The following TLE4 variants were observed in gnomAD, a reference collection of about 807,000 sequenced individuals.
The protein encoded by TLE4 is transducin-like enhancer protein 4.
TLE4 carries 8 observed loss-of-function variants against 92.8 expected under a neutral mutation model. The ratio of observed to expected loss-of-function variants is 0.09; its 90% CI spans 0.05 to 0.16. The LOEUF (loss-of-function observed/expected upper bound fraction) is 0.16. TLE4 is among the 10% of genes least tolerant of loss of function. The pLI is 1.00. For synonymous variants in TLE4, 371 were observed against 374.1 expected, an observed-to-expected ratio of 0.99 and a Z score of 0.10; for missense variants, 675 against 997.6, an observed-to-expected ratio of 0.68 and a Z score of 4.36.
At chr9:79,667,346 G>T (rs991228296) in intron 8 of TLE4, among the ~76,000 whole-genome samples, 4 of 152,118 alleles carry the variant, frequency 2.6e-5, no homozygotes, top group African/African-American at 9.7e-5. Context: ...TCTCCTTCTC[G>T]CCAGGCTGCT....
At position 79,720,305 on chromosome 9, in the gene TLE4, G is replaced by A. The variant is rs1308790118; in HGVS notation, c.1838+12G>A. The A allele has an allele frequency of 1.2e-6, 2 of 1,604,064 alleles. No individual in the cohort carries two copies. Among genetic ancestry groups the A allele is most frequent in the South Asian group, 1.1e-5 (1 of 90,532 alleles). On this transcript the variant is annotated intron_variant, in intron 16 of 19. Coordinates refer to ENST00000376552, the MANE Select transcript of TLE4 (RefSeq NM_007005.6). ...CAGACCTTGGTGAGGTAGGTTAGCAGGATCTGTTACCAGGTTGTGAGGAGG... is the reference window on the plus strand; with the variant it reads ...CAGACCTTGGTGAGGTAGGTTAGCAAGATCTGTTACCAGGTTGTGAGGAGG...
intron 6 of TLE4, among the ~76,000 whole-genome samples, chr9:79,638,946 A>G (rs1476212337): frequency 2.0e-5 from 3 of 152,138 alleles, no homozygotes; most frequent in Non-Finnish European, 2.9e-5. Flanking sequence ...AGGCTAAAGC[A>G]TTCCAGGAGC....
chr9:79,648,365 T>C (rs1194248022), intron 6 of TLE4, among the ~76,000 whole-genome samples: 4 of 152,254 alleles, frequency 2.6e-5, no homozygotes, highest in Admixed American at 6.5e-5. Flanking sequence ...TGTAAAAAGA[T>C]GAATAACAAT....
intron 8 of TLE4, among the ~76,000 whole-genome samples, chr9:79,698,439 A>G (rs1470995563): frequency 6.6e-6 from 1 of 152,226 alleles, no homozygotes; most frequent in Non-Finnish European, 1.5e-5. Context: ...AAGGTGAAAC[A>G]TTTGTTAAGA....
At chr9:79,650,134 T>C (rs1257137353) in intron 6 of TLE4, among the ~76,000 whole-genome samples, 1 of 152,158 alleles carries the variant, frequency 6.6e-6, no homozygotes, top group Non-Finnish European at 1.5e-5. Flanking sequence ...CAGGCTGGTC[T>C]CAAACTCCTG....
At chr9:79,602,229 C>T (rs2045826070) in intron 4 of TLE4, among the ~76,000 whole-genome samples, 1 of 152,178 alleles carries the variant, frequency 6.6e-6, no homozygotes, top group Non-Finnish European at 1.5e-5. Context: ...GTGGAATCTG[C>T]AGCAAGTTAT....
chr9:79,605,627 G>A (rs534521490), intron 4 of TLE4, among the ~76,000 whole-genome samples: 47 of 152,064 alleles, frequency 3.1e-4, no homozygotes, highest in African/African-American at 1.1e-3. Context: ...TATAGCTTGA[G>A]CTCTGGGGAT....
intron 8 of TLE4, among the ~76,000 whole-genome samples, chr9:79,669,814 G>A (rs2061979028): frequency 6.6e-6 from 1 of 152,184 alleles, no homozygotes; most frequent in Non-Finnish European, 1.5e-5. Flanking sequence ...AGTCTTTGCA[G>A]CATCTTAATC....
intron 6 of TLE4, among the ~76,000 whole-genome samples, chr9:79,635,588 T>TC (rs71364423): frequency 1.3e-5 from 2 of 151,760 alleles, no homozygotes; most frequent in African/African-American, 2.4e-5. Flanking sequence ...TTTTTTTTTT[T>TC]CCCACAAGGA....
At chr9:79,582,910 C>T (rs2040075730) in intron 4 of TLE4, among the ~76,000 whole-genome samples, 1 of 152,048 alleles carries the variant, frequency 6.6e-6, no homozygotes, top group Admixed American at 6.5e-5. Flanking sequence ...TACGCATGGG[C>T]AATGGAGTAT....
At chr9:79,661,703 T>C (rs148693887) in intron 8 of TLE4, among the ~76,000 whole-genome samples, 4 of 152,350 alleles carry the variant, frequency 2.6e-5, no homozygotes, top group East Asian at 3.9e-4. Flanking sequence ...ATTGAATACT[T>C]AGTTGTTTTT....
intron 19 of TLE4, 88 bp from the exon 20 acceptor site, chr9:79,724,949 C>T (rs1227290788): frequency 2.4e-6 from 2 of 829,426 alleles, no homozygotes; most frequent in Non-Finnish European, 3.8e-6. Flanking sequence ...TCAAGGAGCA[C>T]ATTACATTTG....
chr9:79,648,252 A>G (rs554423036), intron 6 of TLE4, among the ~76,000 whole-genome samples: 3 of 152,276 alleles, frequency 2.0e-5, no homozygotes, highest in East Asian at 1.9e-4. Context: ...AGTTCTCGCT[A>G]TGTTTAGGGA....
intron 4 of TLE4, among the ~76,000 whole-genome samples, chr9:79,583,913 A>G (rs1233858814): frequency 2.0e-5 from 3 of 152,156 alleles, no homozygotes; most frequent in Admixed American, 2.0e-4. Context: ...AGCTTCTGTC[A>G]GTGGAGTACC....
intron 4 of TLE4, among the ~76,000 whole-genome samples, chr9:79,588,811 A>G (rs531819599): frequency 5.9e-4 from 90 of 152,252 alleles, no homozygotes; most frequent in African/African-American, 1.9e-3. Context: ...GAAAGGTTCT[A>G]TATAGTTCTG....
At chr9:79,622,041 T>C (rs1162058271) in intron 5 of TLE4, among the ~76,000 whole-genome samples, 1 of 152,232 alleles carries the variant, frequency 6.6e-6, no homozygotes, top group African/African-American at 2.4e-5. Context: ...ACATAGCTGC[T>C]TAAAATTTTT....
intron 4 of TLE4, among the ~76,000 whole-genome samples, chr9:79,588,135 C>CGTGTGT (rs71364418): frequency 0.15 from 21,550 of 146,708 alleles, 1,745 homozygotes; most frequent in African/African-American, 0.23. Context: ...TTTATCCTTG[C>CGTGTGT]GTGTGTGTGT....
At chr9:79,658,587 A>G (rs1270596475) in intron 8 of TLE4, among the ~76,000 whole-genome samples, 1 of 152,138 alleles carries the variant, frequency 6.6e-6, no homozygotes, top group East Asian at 1.9e-4. Context: ...TTTATGTTCA[A>G]ATTGAAGGGC....
chr9:79,605,026 G>T (rs1001375055), intron 4 of TLE4, among the ~76,000 whole-genome samples: 10 of 152,020 alleles, frequency 6.6e-5, no homozygotes, highest in African/African-American at 2.2e-4. Context: ...GGAGGAGGAA[G>T]AAGAGGAGGG....
Sources: allele counts gnomAD v4.1 joint callset (sites outside exome capture counted in the v4.1 genomes callset), GRCh38; gene constraint gnomAD v4.1.1; transcripts MANE v1.5; gene names NCBI Gene and HGNC (gene_info 2026-07-23, HGNC 2026-07-21).